Variants in AFF2 observed in about 807,000 individuals in gnomAD.
AFF2 encodes ALF transcription elongation factor 2.
AFF2 carries 14 observed loss-of-function variants against 76.9 expected under a neutral mutation model. That is an observed-to-expected ratio of 0.18 (90% confidence interval 0.12 to 0.28). The LOEUF is 0.28. Ranked by LOEUF, AFF2 falls within the 10% of genes least tolerant of loss-of-function variation. AFF2 has a pLI of 1.00. For synonymous variants in AFF2, 398 were observed against 366.7 expected, an observed-to-expected ratio of 1.09 and a Z score of -0.98; for missense variants, 868 against 1,001.1, an observed-to-expected ratio of 0.87 and a Z score of 1.79.
chrX:148,553,437 T>C (rs1469492493), intron 1 of AFF2, among the ~76,000 whole-genome samples: 1 of 112,409 alleles, frequency 8.9e-6, no homozygotes, highest in Non-Finnish European at 1.9e-5. Flanking sequence ...TTGTAACAAG[T>C]CTTTGTTACA....
At chrX:148,734,256 A>G (rs782097304) in intron 3 of AFF2, among the ~76,000 whole-genome samples, 2 of 112,270 alleles carry the variant, frequency 1.8e-5, no homozygotes, top group East Asian at 2.8e-4. Context: ...GACTATGAAC[A>G]TAGTAGTGAG....
rs781804071 is a variant in AFF2 at position 148,568,024 on chromosome X, T to C, written c.47+66880T>C. On this transcript the variant is annotated intron_variant, in intron 1 of 20. Transcript: ENST00000370460. ...TGCCTCTGTCTGAGTCCTTTTGATA[T>C]CATTGGGAGTTGGGGACATCTTGCT... Among the ~76,000 whole-genome samples, 199 of 110,729 alleles carry C rather than the reference T, an allele frequency of 1.8e-3. 1 individual carries two copies. Among genetic ancestry groups the C allele is most frequent in the African/African-American group, 6.3e-3 (191 of 30,466 alleles).
At chrX:148,733,424 A>G (rs2055250489) in intron 3 of AFF2, among the ~76,000 whole-genome samples, 1 of 110,543 alleles carries the variant, frequency 9.0e-6, no homozygotes, top group African/African-American at 3.3e-5. Context: ...TCATCCTTTC[A>G]TTCATTCATC....
chrX:148,500,637 T>TGCTGCCGCCGCC lies in AFF2; in HGVS notation c.-459_-458insTGCCGCCGCCGC, dbSNP rs1557231522. ...CCGCCGCCGCCGCCTGTGCAGCCGC[T>TGCTGCCGCCGCC]GCCGCCGCCGCCGCCGCCGCCGCCG... On this transcript the variant is annotated 5_prime_UTR_variant, in exon 1 of 21. Transcript: ENST00000370460. The TGCTGCCGCCGCC allele has an allele frequency of 1.4e-5, 1 of 73,753 alleles. No homozygotes were observed. The highest frequency in any genetic ancestry group is 2.6e-5 in the Non-Finnish European group (1 of 38,085). 6.1% of individuals were successfully genotyped at this position (73,753 alleles called of 1,213,427 possible).
At position 148,581,366 on chromosome X, in the gene AFF2, A is replaced by ACGTGTACACACATATATACGTC. The variant is rs2053392889; in HGVS notation, c.48-70633_48-70632insCGTGTACACACATATATACGTC. On this transcript the variant is annotated intron_variant, in intron 1 of 20. Transcript: ENST00000370460. ...TATACGTGTACACACATATATACGT[A>ACGTGTACACACATATATACGTC]TACGTGTACACACATATACACGTAT... Among the ~76,000 whole-genome samples the ACGTGTACACACATATATACGTC allele has an allele frequency of 5.9e-5, 6 of 102,057 alleles. 1 individual carries two copies. The highest frequency in any genetic ancestry group is 1.2e-4 in the Non-Finnish European group (6 of 49,821). 88.6% of individuals were successfully genotyped at this position (102,057 alleles called of 115,157 possible).
chrX:148,951,817 C>A (rs1341278516), intron 9 of AFF2, among the ~76,000 whole-genome samples: 1 of 88,187 alleles, frequency 1.1e-5, no homozygotes, highest in Non-Finnish European at 2.0e-5. Context: ...TCCTCCCTTT[C>A]CCCCCCACTG....
chrX:148,874,486 C>T (rs1183648423), intron 7 of AFF2, among the ~76,000 whole-genome samples: 1 of 111,230 alleles, frequency 9.0e-6, no homozygotes, highest in Non-Finnish European at 1.9e-5. Context: ...CAGATTTGTA[C>T]ACTTGGTAAA....
intron 3 of AFF2, among the ~76,000 whole-genome samples, chrX:148,701,617 G>A (rs1260586853): frequency 3.6e-5 from 4 of 112,219 alleles, no homozygotes; most frequent in African/African-American, 1.3e-4. Flanking sequence ...CTACAGAATA[G>A]CACTATTTTC....
Position 148,841,660 on chromosome X carries a change from C to T in AFF2, c.1174-1306C>T, listed in dbSNP as rs1048756777. ...TTTTCTGTGTCATTTTTGTGGGCTC[C>T]TTTGCTATTGGTTTTCACCTGTCAA... On this transcript the variant is annotated intron_variant, in intron 5 of 20. Coordinates refer to ENST00000370460, the MANE Select transcript of AFF2 (RefSeq NM_002025.4). 3.6e-5 allele frequency among the ~76,000 whole-genome samples: 4 copies of T among 111,604 alleles called. No homozygotes were observed. In the Admixed American group the frequency reaches 3.8e-4, roughly 11 times the overall value.
intron 3 of AFF2, among the ~76,000 whole-genome samples, chrX:148,773,737 A>AGAAAGAAG (rs2069630988): frequency 4.6e-5 from 5 of 107,727 alleles, no homozygotes; most frequent in African/African-American, 1.7e-4. Flanking sequence ...AAAGAAAGAA[A>AGAAAGAAG]GAAAGAAAGA....
chrX:148,727,313 C>T (rs909489405), intron 3 of AFF2, among the ~76,000 whole-genome samples: 7 of 111,298 alleles, frequency 6.3e-5, no homozygotes, highest in African/African-American at 2.3e-4. Flanking sequence ...TACCAGCAGA[C>T]AAATAGCCTT....
chrX:148,861,074 C>A (rs1387532322), intron 7 of AFF2, among the ~76,000 whole-genome samples: 2 of 111,521 alleles, frequency 1.8e-5, no homozygotes, highest in Non-Finnish European at 3.8e-5. Context: ...TTATTTGTGG[C>A]CACCAAGCAG....
chrX:148,643,372 G>A (rs1324976883), intron 1 of AFF2, among the ~76,000 whole-genome samples: 2 of 111,678 alleles, frequency 1.8e-5, no homozygotes, highest in African/African-American at 3.3e-5. Flanking sequence ...TAGTCTTCAG[G>A]AAGTATTTTT....
At chrX:148,539,171 A>G (rs1169764933) in intron 1 of AFF2, among the ~76,000 whole-genome samples, 1 of 112,196 alleles carries the variant, frequency 8.9e-6, no homozygotes, top group Non-Finnish European at 1.9e-5. Flanking sequence ...TTACAGGAAG[A>G]CAAAGTAATC....
At chrX:148,966,293 C>G (rs1407277927) in intron 13 of AFF2, among the ~76,000 whole-genome samples, 1 of 111,641 alleles carries the variant, frequency 9.0e-6, no homozygotes, top group Non-Finnish European at 1.9e-5. Flanking sequence ...TGGACTGTAT[C>G]TGGTATTTTG....
At chrX:148,757,012 T>A (rs2124581935) in intron 3 of AFF2, among the ~76,000 whole-genome samples, 1 of 112,308 alleles carries the variant, frequency 8.9e-6, no homozygotes, top group Non-Finnish European at 1.9e-5. Flanking sequence ...GGGTGAATTT[T>A]AAAATCATAT....
intron 10 of AFF2, among the ~76,000 whole-genome samples, chrX:148,955,221 C>T (rs1343910956): frequency 1.8e-5 from 2 of 112,341 alleles, no homozygotes; most frequent in African/African-American, 6.5e-5. Flanking sequence ...TTACCTTTGC[C>T]TCCTGGTGAG....
At chrX:148,790,551 A>G (rs2069878691) in intron 3 of AFF2, among the ~76,000 whole-genome samples, 1 of 111,196 alleles carries the variant, frequency 9.0e-6, no homozygotes, top group Non-Finnish European at 1.9e-5. Flanking sequence ...ACATGGATGG[A>G]GTTGGAAGCC....
At chrX:148,983,230 A>G (rs1339369495) in intron 19 of AFF2, among the ~76,000 whole-genome samples, 1 of 112,358 alleles carries the variant, frequency 8.9e-6, no homozygotes, top group African/African-American at 3.2e-5. Context: ...ATAAAAAGAA[A>G]GAAGCTGGGC....
Sources: allele counts gnomAD v4.1 joint callset (sites outside exome capture counted in the v4.1 genomes callset), GRCh38; gene constraint gnomAD v4.1.1; transcripts MANE v1.5; gene names NCBI Gene and HGNC (gene_info 2026-07-23, HGNC 2026-07-21).